Variants in TENM3 observed in about 807,000 individuals in gnomAD.
TENM3 encodes the protein teneurin transmembrane protein 3, also known as teneurin-3.
In TENM3, 63 loss-of-function variants were observed where a neutral mutation model predicts 255.1. The ratio of observed to expected loss-of-function variants is 0.25; its 90% CI spans 0.20 to 0.30. TENM3 has a LOEUF of 0.30. Among genes scored for constraint, TENM3 ranks in the 10% least tolerant of loss-of-function variants. The pLI is 1.00. For synonymous variants in TENM3, 1,306 were observed against 1,322.3 expected (o/e 0.99, Z 0.27); for missense variants, 2,929 against 3,461.1 (o/e 0.85, Z 3.86).
the TENM3 span, among the ~76,000 whole-genome samples, chr4:181,635,151 A>G: frequency 1.3e-5 from 2 of 152,202 alleles, no homozygotes; most frequent in African/African-American, 4.8e-5. Flanking sequence ...CTGCATCAGC[A>G]GCAGAAGGGA....
chr4:181,978,598 G>A, the TENM3 span, among the ~76,000 whole-genome samples: 8 of 146,356 alleles, frequency 5.5e-5, no homozygotes, highest in African/African-American at 2.0e-4. Context: ...AGTAAGCCGA[G>A]ATGGTGCCAC....
At position 182,161,910 on chromosome 4, in the gene TENM3, C is replaced by A. The variant is rs1224885233; in HGVS notation, c.-76+17156C>A. ...ACACATATATGTGTATATATACACA[C>A]ACATGTATGTGTATATATATACACA... On this transcript the variant is annotated intron_variant, in intron 1 of 2. Transcript: ENST00000512480. Among the ~76,000 whole-genome samples, 17 of 30,988 alleles carry A rather than the reference C, an allele frequency of 5.5e-4. 6 individuals are homozygous for A. The highest frequency in any genetic ancestry group is 9.0e-4 in the Non-Finnish European group (14 of 15,534). The allele number at this position is 30,988 out of a possible 152,430, so 20.3% of individuals were successfully genotyped here.
the TENM3 span, among the ~76,000 whole-genome samples, chr4:181,690,402 C>T: frequency 6.6e-6 from 1 of 152,172 alleles, no homozygotes; most frequent in African/African-American, 2.4e-5. Flanking sequence ...ATTGTCACTG[C>T]ATCTTGTCAA....
chr4:182,559,353 C>T (rs1333755956), intron 3 of TENM3, among the ~76,000 whole-genome samples: 1 of 152,042 alleles, frequency 6.6e-6, no homozygotes, highest in Non-Finnish European at 1.5e-5. Flanking sequence ...GAGTAATTTT[C>T]GTTGTTTCCA....
chr4:182,680,155 TTATC>T, intron 8 of TENM3, 89 bp from the exon 9 acceptor site: 1 of 949,966 alleles, frequency 1.1e-6, no homozygotes, highest in South Asian at 1.4e-5. Context: ...ACTACTCAAA[TTATC>T]TAGCATAAAT....
the TENM3 span, among the ~76,000 whole-genome samples, chr4:181,605,584 G>GATAGAAAGAAA: frequency 2.0e-4 from 14 of 69,194 alleles, 2 homozygotes; most frequent in Non-Finnish European, 3.3e-4. Flanking sequence ...GAGAAAGAAA[G>GATAGAAAGAAA]GAAAGAAAGA....
At chr4:182,517,838 G>A (rs1200804811) in intron 3 of TENM3, among the ~76,000 whole-genome samples, 2 of 152,064 alleles carry the variant, frequency 1.3e-5, no homozygotes, top group Non-Finnish European at 2.9e-5. Context: ...AATACTCATA[G>A]TACACTGAAA....
chr4:181,676,777 T>C, the TENM3 span, among the ~76,000 whole-genome samples: 5 of 152,098 alleles, frequency 3.3e-5, no homozygotes, highest in Non-Finnish European at 7.4e-5. Context: ...AAAACACTCC[T>C]CAACACACCC....
the TENM3 span, among the ~76,000 whole-genome samples, chr4:181,966,085 A>G: frequency 6.6e-6 from 1 of 152,210 alleles, no homozygotes; most frequent in African/African-American, 2.4e-5. Context: ...TTGACTGTAG[A>G]CCAGCAGCTG....
intron 1 of TENM3, among the ~76,000 whole-genome samples, chr4:182,229,712 T>TCAA (rs1756436309): frequency 6.6e-6 from 1 of 151,562 alleles, no homozygotes; most frequent in Non-Finnish European, 1.5e-5. Context: ...TGTAAGAAGA[T>TCAA]CAAACCCCAA....
the TENM3 span, among the ~76,000 whole-genome samples, chr4:182,132,769 G>A: frequency 0.43 from 65,587 of 151,936 alleles, 14,548 homozygotes; most frequent in African/African-American, 0.53. Flanking sequence ...ATATGGGTGT[G>A]ACTAACATGA....
the TENM3 span, among the ~76,000 whole-genome samples, chr4:181,843,105 T>C: frequency 2.6e-5 from 4 of 152,246 alleles, no homozygotes; most frequent in Non-Finnish European, 5.9e-5. Context: ...CAATTTATTT[T>C]TATCTTGAAA....
At chr4:182,331,664 A>G (rs1426474801) in intron 2 of TENM3, among the ~76,000 whole-genome samples, 2 of 152,234 alleles carry the variant, frequency 1.3e-5, no homozygotes, top group Non-Finnish European at 2.9e-5. Flanking sequence ...GTTGAGAATA[A>G]AGATATATTA....
At chr4:182,141,584 C>T (rs1749433290), upstream of TENM3, 1 of 152,202 alleles carries the variant, frequency 6.6e-6, no homozygotes, top group Admixed American at 6.5e-5. Flanking sequence ...CGCGCTTTGT[C>T]CACCAGCGAC....
the TENM3 span, among the ~76,000 whole-genome samples, chr4:181,851,259 A>G: frequency 7.9e-5 from 12 of 152,166 alleles, no homozygotes; most frequent in Non-Finnish European, 2.9e-5. Flanking sequence ...CAGGTTCCAT[A>G]TCGCCTTAGC....
At chr4:181,937,159 G>T in the TENM3 span, among the ~76,000 whole-genome samples, 1 of 152,220 alleles carries the variant, frequency 6.6e-6, no homozygotes, top group Non-Finnish European at 1.5e-5. Context: ...AGCTCTGACA[G>T]TGGAGAAAAC....
intron 3 of TENM3, among the ~76,000 whole-genome samples, chr4:182,573,566 AG>A (rs1488661614): frequency 6.6e-6 from 1 of 152,196 alleles, no homozygotes; most frequent in Non-Finnish European, 1.5e-5. Context: ...TTGAAAATTC[AG>A]TATATTTGTA....
chr4:182,392,678 G>A (rs967984403), intron 3 of TENM3, among the ~76,000 whole-genome samples: 1 of 142,628 alleles, frequency 7.0e-6, no homozygotes. Context: ...CACGTGGGGC[G>A]GGGGTGGAAA....
At chr4:182,212,372 A>G (rs1755107139) in intron 1 of TENM3, among the ~76,000 whole-genome samples, 1 of 152,226 alleles carries the variant, frequency 6.6e-6, no homozygotes, top group South Asian at 2.1e-4. Flanking sequence ...AGAGTGCCGC[A>G]GCTGCAAATA....
Sources: gnomAD v4.1 joint callset for allele counts (sites outside exome capture counted in the v4.1 genomes callset) on GRCh38, gnomAD v4.1.1 for gene constraint, MANE v1.5 for transcripts, NCBI Gene and HGNC (gene_info 2026-07-23, HGNC 2026-07-21) for gene names.